BCKDHB: variants seen among roughly 807,000 people sequenced by gnomAD.
The protein encoded by BCKDHB is 2-oxoisovalerate dehydrogenase subunit beta, mitochondrial.
A neutral mutation model predicts 48.5 loss-of-function variants in BCKDHB; 41 were observed. The ratio of observed to expected loss-of-function variants is 0.85; its 90% CI spans 0.66 to 1.10. BCKDHB has a LOEUF of 1.10. BCKDHB is among the 50% of genes least tolerant of loss of function. The pLI is 0.00. For synonymous variants in BCKDHB, 201 were observed against 174.8 expected (o/e 1.15, Z -1.18); for missense variants, 496 against 494.2 (o/e 1.00, Z -0.03).
At chr6:80,387,984 G>A in the BCKDHB span, among the ~76,000 whole-genome samples, 3 of 152,166 alleles carry the variant, frequency 2.0e-5, no homozygotes, top group African/African-American at 7.2e-5. Flanking sequence ...AAATTTCTAG[G>A]GGGTCCAGTG....
chr6:80,405,773 A>G, the BCKDHB span, among the ~76,000 whole-genome samples: 2 of 152,156 alleles, frequency 1.3e-5, no homozygotes. Context: ...TTAGGTTGAT[A>G]ACAATTTAAT....
chr6:80,253,461 G>A (rs552573507), intron 8 of BCKDHB, among the ~76,000 whole-genome samples: 1 of 152,230 alleles, frequency 6.6e-6, no homozygotes, highest in Admixed American at 6.5e-5. Flanking sequence ...TCTGGAGAGA[G>A]TTTTATTTAT....
At chr6:80,273,037 G>GA (rs1777816728) in intron 8 of BCKDHB, 98 bp from the exon 9 acceptor site, 7 of 882,830 alleles carry the variant, frequency 7.9e-6, no homozygotes, top group Non-Finnish European at 1.1e-5. Flanking sequence ...ACTATTTATT[G>GA]AATGTATATA....
At chr6:80,442,840 A>G in the BCKDHB span, among the ~76,000 whole-genome samples, 1 of 152,206 alleles carries the variant, frequency 6.6e-6, no homozygotes, top group Admixed American at 6.5e-5. Flanking sequence ...TGGTAGATCC[A>G]TATTACAAAT....
chr6:80,258,380 C>G (rs1777147973), intron 8 of BCKDHB, among the ~76,000 whole-genome samples: 1 of 152,166 alleles, frequency 6.6e-6, no homozygotes, highest in Admixed American at 6.5e-5. Flanking sequence ...GAGACACTCC[C>G]CTTTCTGTTT....
chr6:80,273,526 C>T (rs765873153), intron 9 of BCKDHB, among the ~76,000 whole-genome samples: 16 of 152,072 alleles, frequency 1.1e-4, no homozygotes, highest in Middle Eastern at 6.8e-3. Context: ...GTATTTGCTA[C>T]GTTAACAGAA....
intron 9 of BCKDHB, among the ~76,000 whole-genome samples, chr6:80,308,653 G>A (rs1280375733): frequency 6.7e-6 from 1 of 148,400 alleles, no homozygotes; most frequent in African/African-American, 2.5e-5. Context: ...GGAGTGCAGT[G>A]GCGTGATCCC....
chr6:80,403,826 T>G, the BCKDHB span, among the ~76,000 whole-genome samples: 1 of 152,040 alleles, frequency 6.6e-6, no homozygotes, highest in Non-Finnish European at 1.5e-5. Context: ...CTGCATATAT[T>G]AAGATAATCA....
chr6:80,143,481 A>C (rs975451289), intron 3 of BCKDHB, among the ~76,000 whole-genome samples: 2 of 152,172 alleles, frequency 1.3e-5, no homozygotes, highest in African/African-American at 4.8e-5. Context: ...GACAGTATTA[A>C]TGTCATTTGC....
At chr6:80,463,427 C>T in the BCKDHB span, among the ~76,000 whole-genome samples, 3 of 152,152 alleles carry the variant, frequency 2.0e-5, no homozygotes, top group Non-Finnish European at 4.4e-5. Context: ...CAAACAGGCT[C>T]ACACACAAAC....
chr6:80,274,974 A>G (rs772209603), intron 9 of BCKDHB, among the ~76,000 whole-genome samples: 25 of 152,052 alleles, frequency 1.6e-4, no homozygotes, highest in Non-Finnish European at 2.5e-4. Context: ...ATAAAATATC[A>G]TAAACATAAT....
chr6:80,116,201 A>G (rs991644539), intron 1 of BCKDHB, among the ~76,000 whole-genome samples: 1 of 152,150 alleles, frequency 6.6e-6, no homozygotes, highest in Non-Finnish European at 1.5e-5. Flanking sequence ...ACACTGCTGC[A>G]TACTGCATAG....
chr6:80,119,580 C>T (rs374150165), intron 1 of BCKDHB, among the ~76,000 whole-genome samples: 9 of 152,270 alleles, frequency 5.9e-5, no homozygotes, highest in African/African-American at 1.9e-4. Flanking sequence ...CCCTTGGCCT[C>T]ACAAAGTGCT....
chr6:80,405,420 G>A, the BCKDHB span, among the ~76,000 whole-genome samples: 3,320 of 152,100 alleles, frequency 0.022, 131 homozygotes, highest in African/African-American at 0.074. Flanking sequence ...GTCTATGCAT[G>A]TTCTTAAATA....
At chr6:80,440,600 T>C in the BCKDHB span, 3 of 151,916 alleles carry the variant, frequency 2.0e-5, no homozygotes, top group African/African-American at 7.3e-5. Flanking sequence ...AATTTACTTC[T>C]GTTTTTAGCT....
chr6:80,323,737 A>T (rs1341845227), intron 9 of BCKDHB, among the ~76,000 whole-genome samples: 1 of 151,972 alleles, frequency 6.6e-6, no homozygotes, highest in Admixed American at 6.5e-5. Context: ...CTCCTTTTCA[A>T]TTTTTCCAAC....
chr6:80,432,567 T>G, the BCKDHB span, among the ~76,000 whole-genome samples: 1 of 152,172 alleles, frequency 6.6e-6, no homozygotes, highest in African/African-American at 2.4e-5. Context: ...TTATTCTAGT[T>G]AGCAATTGGT....
the BCKDHB span, among the ~76,000 whole-genome samples, chr6:80,464,245 G>A: frequency 9.9e-5 from 15 of 151,954 alleles, no homozygotes; most frequent in Non-Finnish European, 2.1e-4. Context: ...CTCCTGCCTC[G>A]GCCTCCTGAG....
intron 8 of BCKDHB, among the ~76,000 whole-genome samples, chr6:80,203,908 T>C (rs1047889211): frequency 6.6e-6 from 1 of 152,102 alleles, no homozygotes; most frequent in Non-Finnish European, 1.5e-5. Flanking sequence ...TTCATATTGA[T>C]ACAAAGAAGG....
Sources: allele counts gnomAD v4.1 joint callset (sites outside exome capture counted in the v4.1 genomes callset), GRCh38; gene constraint gnomAD v4.1.1; transcripts MANE v1.5; gene names NCBI Gene and HGNC (gene_info 2026-07-23, HGNC 2026-07-21).